Variants in DAB2IP observed in about 807,000 individuals in gnomAD.
The protein encoded by DAB2IP is disabled homolog 2-interacting protein.
DAB2IP carries 28 observed loss-of-function variants against 107.2 expected under a neutral mutation model. The observed-to-expected ratio is 0.26, with a 90% CI of 0.19 to 0.36. DAB2IP has a LOEUF of 0.36. Ranked by LOEUF, DAB2IP falls within the 10% of genes least tolerant of loss-of-function variation. DAB2IP has a pLI of 1.00. For missense variants in DAB2IP, 1,400 were observed against 1,644.7 expected (o/e 0.85, Z 2.57); for synonymous variants, 755 against 706.4 (o/e 1.07, Z -1.09).
At chr9:121,690,407 C>T (rs1564158642) in intron 2 of DAB2IP, among the ~76,000 whole-genome samples, 1 of 152,138 alleles carries the variant, frequency 6.6e-6, no homozygotes, top group African/African-American at 2.4e-5. Flanking sequence ...CTTGCAGCCA[C>T]GAGGCCCTGG....
intron 2 of DAB2IP, among the ~76,000 whole-genome samples, chr9:121,681,821 C>A (rs1228305903): frequency 2.0e-5 from 3 of 152,102 alleles, no homozygotes. Flanking sequence ...CTTCCATGAC[C>A]CATGTGATTT....
intron 1 of DAB2IP, among the ~76,000 whole-genome samples, chr9:121,578,621 A>AC (rs201812708): frequency 4.7e-4 from 63 of 132,684 alleles, no homozygotes; most frequent in Middle Eastern, 9.3e-3. Flanking sequence ...CTGTATGAGG[A>AC]CCCCCCCATC....
At chr9:121,667,554 G>C (rs1336687340) in intron 1 of DAB2IP, among the ~76,000 whole-genome samples, 3 of 151,320 alleles carry the variant, frequency 2.0e-5, no homozygotes, top group Non-Finnish European at 3.0e-5. Flanking sequence ...GCAGTGGCGG[G>C]ATCTCAGCTC....
chr9:121,672,304 G>A (rs1164724991), intron 1 of DAB2IP, among the ~76,000 whole-genome samples: 1 of 152,112 alleles, frequency 6.6e-6, no homozygotes, highest in Non-Finnish European at 1.5e-5. Context: ...GCGTTAAGAG[G>A]TTGCTGCCTC....
At chr9:121,577,695 G>A (rs1830097388) in intron 1 of DAB2IP, among the ~76,000 whole-genome samples, 1 of 152,174 alleles carries the variant, frequency 6.6e-6, no homozygotes, top group South Asian at 2.1e-4. Flanking sequence ...TGCTCTCTCT[G>A]TGACAAATGG....
At chr9:121,672,522 C>T (rs1219870215) in intron 1 of DAB2IP, among the ~76,000 whole-genome samples, 2 of 152,164 alleles carry the variant, frequency 1.3e-5, no homozygotes, top group African/African-American at 4.8e-5. Flanking sequence ...TTTGCAAACA[C>T]ATGAAGGTTA....
intron 1 of DAB2IP, among the ~76,000 whole-genome samples, chr9:121,572,141 TG>T (rs1829958946): frequency 6.6e-6 from 1 of 152,128 alleles, no homozygotes; most frequent in Non-Finnish European, 1.5e-5. Context: ...GAAAAAGTCC[TG>T]CCCTGCAAAA....
At chr9:121,578,888 A>T (rs1830126798) in intron 1 of DAB2IP, among the ~76,000 whole-genome samples, 1 of 151,434 alleles carries the variant, frequency 6.6e-6, no homozygotes, top group Admixed American at 6.6e-5. Context: ...TTCCCAGCCC[A>T]TGTCCTTCTG....
Position 121,782,602 on chromosome 9 carries a change from G to T in DAB2IP, c.*104G>T. On this transcript the variant is annotated 3_prime_UTR_variant, in exon 16 of 16. Coordinates refer to ENST00000408936, the Ensembl canonical transcript of DAB2IP. The surrounding 1 kb of genome is among the most constrained non-coding windows in gnomAD (Gnocchi z 6.1). ...ACCCACGGTTGCAGCCCCAGCGCGGGTGTCAGGAGGCCGAGCCTCCCCTCC... is the reference window on the plus strand; with the variant it reads ...ACCCACGGTTGCAGCCCCAGCGCGGTTGTCAGGAGGCCGAGCCTCCCCTCC... 3 of 1,529,266 alleles carry T rather than the reference G, an allele frequency of 2.0e-6. No individual in the cohort carries two copies. Among genetic ancestry groups the T allele is most frequent in the East Asian group, 4.6e-5 (2 of 43,838 alleles). 94.7% of individuals were successfully genotyped at this position (1,529,266 alleles called of 1,614,324 possible).
At chr9:121,738,758 G>A (rs1354248566) in intron 3 of DAB2IP, among the ~76,000 whole-genome samples, 8 of 152,234 alleles carry the variant, frequency 5.3e-5, no homozygotes, top group Admixed American at 5.2e-4. Context: ...CTCAGGGTTT[G>A]GGGTTTGGTT....
chr9:121,771,793 T>G (rs980950058), intron 11 of DAB2IP, among the ~76,000 whole-genome samples: 1 of 152,074 alleles, frequency 6.6e-6, no homozygotes, highest in Non-Finnish European at 1.5e-5. Flanking sequence ...GAGTGGCACT[T>G]CCTCTCCGTC....
chr9:121,759,918 C>T (rs1295756826), exon 6 of DAB2IP: 1 of 1,613,982 alleles, frequency 6.2e-7, no homozygotes, highest in East Asian at 2.2e-5. Context: ...CATCCTGAAG[C>T]TGTGGGTGAT....
intron 1 of DAB2IP, among the ~76,000 whole-genome samples, chr9:121,571,652 C>T (rs1403607751): frequency 6.6e-6 from 1 of 152,110 alleles, no homozygotes; most frequent in Non-Finnish European, 1.5e-5. Flanking sequence ...CTGATTGCAT[C>T]CATCAGGTGT....
chr9:121,621,922 T>C (rs567074926), intron 1 of DAB2IP, among the ~76,000 whole-genome samples: 1 of 151,756 alleles, frequency 6.6e-6, no homozygotes, highest in South Asian at 2.1e-4. Context: ...CCCAAAGTGT[T>C]GGGATTACAG....
At chr9:121,615,996 T>C (rs1399178269) in intron 1 of DAB2IP, among the ~76,000 whole-genome samples, 2 of 152,188 alleles carry the variant, frequency 1.3e-5, no homozygotes, top group African/African-American at 2.4e-5. Context: ...ACTGCTAATC[T>C]TGTGTCCCTG....
intron 14 of DAB2IP, among the ~76,000 whole-genome samples, chr9:121,778,040 TA>T (rs1357621947): frequency 6.6e-6 from 1 of 152,182 alleles, no homozygotes; most frequent in African/African-American, 2.4e-5. Flanking sequence ...CAAGGTACCT[TA>T]GACTGGGTAA....
chr9:121,651,719 C>T lies in DAB2IP; in HGVS notation c.-57C>T, dbSNP rs906885398. ...GCGCCCGCCGGGCTGTCCGGAGCGG[C>T]CGATGGGGCCCGTGTGAGCGCGCCC... On this transcript the variant is annotated 5_prime_UTR_variant, in exon 1 of 16. Coordinates refer to ENST00000408936, the Ensembl canonical transcript of DAB2IP. The surrounding 1 kb of genome is among the most constrained non-coding windows in gnomAD (Gnocchi z 5.1). 122 of 1,182,744 alleles carry T rather than the reference C, an allele frequency of 1.0e-4. 1 individual carries two copies. In the African/African-American group the frequency reaches 1.9e-3, roughly 18 times the overall value. 73.3% of individuals were successfully genotyped at this position (1,182,744 alleles called of 1,614,324 possible).
chr9:121,718,353 C>T (rs573676554), intron 3 of DAB2IP, among the ~76,000 whole-genome samples: 5 of 152,334 alleles, frequency 3.3e-5, no homozygotes, highest in South Asian at 2.1e-4. Flanking sequence ...CTTGCACACC[C>T]CCATGTGTGG....
intron 2 of DAB2IP, among the ~76,000 whole-genome samples, chr9:121,690,342 C>T (rs573879271): frequency 6.6e-6 from 1 of 152,060 alleles, no homozygotes; most frequent in Non-Finnish European, 1.5e-5. Context: ...TGCAGGCAGG[C>T]GGAGATAGTA....
Sources: gnomAD v4.1 joint callset for allele counts (sites outside exome capture counted in the v4.1 genomes callset) on GRCh38, gnomAD v4.1.1 for gene constraint, Gnocchi (gnomAD v3.1) non-coding constraint, MANE v1.5 for transcripts, NCBI Gene and HGNC (gene_info 2026-07-23, HGNC 2026-07-21) for gene names.